The following LUZP2 variants were observed in gnomAD, a reference collection of about 807,000 sequenced individuals.
The protein encoded by LUZP2 is leucine zipper protein 2.
A neutral mutation model predicts 51.6 loss-of-function variants in LUZP2; 52 were observed. The observed-to-expected ratio is 1.01, with a 90% CI of 0.81 to 1.27. The LOEUF (loss-of-function observed/expected upper bound fraction) is 1.27. Among genes scored for constraint, LUZP2 ranks in the 50% most tolerant of loss-of-function variants. The pLI is 0.00. For synonymous variants in LUZP2, 154 were observed against 137.3 expected (o/e 1.12, Z -0.85); for missense variants, 436 against 395.4 (o/e 1.10, Z -0.87).
intron 4 of LUZP2, among the ~76,000 whole-genome samples, chr11:24,750,852 A>G (rs1220937756): frequency 6.6e-6 from 1 of 152,184 alleles, no homozygotes; most frequent in Admixed American, 6.6e-5. Context: ...TAAGTGACAT[A>G]TACTAATCTT....
chr11:24,975,765 G>A (rs1015750637), intron 7 of LUZP2, among the ~76,000 whole-genome samples: 2 of 151,992 alleles, frequency 1.3e-5, no homozygotes, highest in Non-Finnish European at 2.9e-5. Context: ...CAAATCTGAA[G>A]GTACTGCTTT....
At chr11:24,709,959 T>C (rs974082921) in intron 1 of LUZP2, among the ~76,000 whole-genome samples, 15 of 152,186 alleles carry the variant, frequency 9.9e-5, no homozygotes, top group African/African-American at 3.4e-4. Context: ...TAAATAAACA[T>C]GAACCAGGAT....
intron 11 of LUZP2, 37 bp downstream of exon 11, chr11:25,077,443 A>G (rs769192455): frequency 9.2e-7 from 1 of 1,082,766 alleles, no homozygotes; most frequent in Admixed American, 2.0e-5. Context: ...GTCAAAAAGC[A>G]TTTATTGGAT....
At chr11:24,736,284 T>G (rs2133979797) in intron 3 of LUZP2, among the ~76,000 whole-genome samples, 1 of 151,866 alleles carries the variant, frequency 6.6e-6, no homozygotes, top group South Asian at 2.1e-4. Flanking sequence ...ACATACTTTA[T>G]TATTTAATTT....
chr11:24,997,647 G>T (rs1039085998), intron 9 of LUZP2, among the ~76,000 whole-genome samples: 4 of 151,490 alleles, frequency 2.6e-5, no homozygotes, highest in Non-Finnish European at 5.9e-5. Context: ...GTCAATTTTG[G>T]CTTTTGTTGC....
In LUZP2 at chr11:25,070,782, T is replaced by C. The variant is rs1183166476; in HGVS notation, c.859-6547T>C. Among the ~76,000 whole-genome samples, 10 of 143,788 alleles carry C rather than the reference T, an allele frequency of 7.0e-5. No homozygotes were observed. In the East Asian group the frequency reaches 2.4e-3, roughly 35 times the overall value. 94.3% of individuals were successfully genotyped at this position (143,788 alleles called of 152,430 possible). A position where few individuals can be genotyped will look rare whatever the true frequency, so the allele number is the denominator to read the frequency against. On this transcript the variant is annotated intron_variant, in intron 10 of 11. Coordinates refer to ENST00000336930, the MANE Select transcript of LUZP2 (RefSeq NM_001009909.4). ...AATGACTGTGTATGGTGTGTGTGTG[T>C]GTGTGTGTGTGTGTGTGTGTGTGTG... is the stretch of plus-strand genomic sequence containing the variant.
intron 9 of LUZP2, among the ~76,000 whole-genome samples, chr11:24,993,350 C>T (rs1352279159): frequency 2.0e-5 from 3 of 152,068 alleles, no homozygotes; most frequent in East Asian, 1.9e-4. Flanking sequence ...AATGTAAAAG[C>T]AGTCAATACC....
In LUZP2 at chr11:24,569,095, A is replaced by G. The variant is rs892501267; in HGVS notation, c.62+71790A>G. ...TTAACTATTGTAATAAAAATAAAAC[A>G]GTTAAATGTCATATTAAAAGACCTT... On this transcript the variant is annotated intron_variant, in intron 1 of 11. Coordinates refer to ENST00000336930, the MANE Select transcript of LUZP2 (RefSeq NM_001009909.4). 6.7e-3 allele frequency among the ~76,000 whole-genome samples: 373 copies of G among 55,324 alleles called. 3 individuals carry two copies. The highest frequency in any genetic ancestry group is 7.2e-3 in the Non-Finnish European group (186 of 25,790). 36.3% of individuals were successfully genotyped at this position (55,324 alleles called of 152,430 possible).
chr11:24,513,009 C>T (rs1399183333), intron 1 of LUZP2, among the ~76,000 whole-genome samples: 1 of 152,142 alleles, frequency 6.6e-6, no homozygotes, highest in African/African-American at 2.4e-5. Context: ...CCACCCGCCT[C>T]GGCCTCCCAA....
chr11:24,875,368 T>G (rs1490699451), intron 5 of LUZP2, among the ~76,000 whole-genome samples: 1 of 149,434 alleles, frequency 6.7e-6, no homozygotes, highest in African/African-American at 2.5e-5. Context: ...TTTTTTGTTC[T>G]TGCAATAGTT....
intron 1 of LUZP2, among the ~76,000 whole-genome samples, chr11:24,502,638 G>C (rs1427683087): frequency 6.6e-6 from 1 of 151,964 alleles, no homozygotes; most frequent in Non-Finnish European, 1.5e-5. Flanking sequence ...CCCGCCTCTC[G>C]ACCTGCCAAA....
At chr11:25,059,462 A>G (rs1858773670) in intron 10 of LUZP2, among the ~76,000 whole-genome samples, 1 of 152,202 alleles carries the variant, frequency 6.6e-6, no homozygotes, top group Non-Finnish European at 1.5e-5. Context: ...CCCTTTTGAA[A>G]AAATCATTCT....
intron 9 of LUZP2, among the ~76,000 whole-genome samples, chr11:24,984,549 T>TATATAA (rs60530495): frequency 0.014 from 1,027 of 71,222 alleles, 37 homozygotes; most frequent in African/African-American, 0.042. Flanking sequence ...TATATATATA[T>TATATAA]AATTGTGAAT....
At chr11:24,587,680 T>C (rs1326300154) in intron 1 of LUZP2, among the ~76,000 whole-genome samples, 1 of 152,140 alleles carries the variant, frequency 6.6e-6, no homozygotes, top group Non-Finnish European at 1.5e-5. Context: ...TAACTATTTT[T>C]TGAGTGCCTA....
At chr11:24,857,010 G>A (rs1034159779) in intron 5 of LUZP2, among the ~76,000 whole-genome samples, 2 of 151,754 alleles carry the variant, frequency 1.3e-5, no homozygotes, top group African/African-American at 4.8e-5. Flanking sequence ...TCAGGTGATG[G>A]TTACACAAAA....
intron 1 of LUZP2, among the ~76,000 whole-genome samples, chr11:24,638,303 A>G (rs1213903129): frequency 6.6e-6 from 1 of 151,772 alleles, no homozygotes; most frequent in Non-Finnish European, 1.5e-5. Flanking sequence ...ACAAAAAATT[A>G]ATTTCCCCAA....
At chr11:24,774,362 C>CTCTCTCTATATATATATA (rs776739280) in intron 5 of LUZP2, among the ~76,000 whole-genome samples, 5 of 76,342 alleles carry the variant, frequency 6.5e-5, no homozygotes, top group East Asian at 9.6e-4. Flanking sequence ...CTCTCTCTCT[C>CTCTCTCTATATATATATA]TATATATATA....
At chr11:24,733,014 G>A (rs1331120009) in intron 3 of LUZP2, among the ~76,000 whole-genome samples, 1 of 149,854 alleles carries the variant, frequency 6.7e-6, no homozygotes, top group Non-Finnish European at 1.5e-5. Context: ...TGATCACAAC[G>A]CAAAAAACTG....
chr11:24,770,001 C>T (rs905680720), intron 5 of LUZP2, among the ~76,000 whole-genome samples: 2 of 152,108 alleles, frequency 1.3e-5, no homozygotes, highest in Non-Finnish European at 2.9e-5. Flanking sequence ...GCCATATTGG[C>T]CAGGCTGGTC....
Sources: gnomAD v4.1 joint callset for allele counts (sites outside exome capture counted in the v4.1 genomes callset) on GRCh38, gnomAD v4.1.1 for gene constraint, MANE v1.5 for transcripts, NCBI Gene and HGNC (gene_info 2026-07-23, HGNC 2026-07-21) for gene names.